Variants in LTBP1 observed in about 807,000 individuals in gnomAD.
The protein encoded by LTBP1 is latent-transforming growth factor beta-binding protein 1.
LTBP1 carries 129 observed loss-of-function variants against 207.6 expected under a neutral mutation model. That is an observed-to-expected ratio of 0.62 (90% confidence interval 0.54 to 0.72). LTBP1 has a LOEUF of 0.72. Ranked by LOEUF, LTBP1 falls within the 30% of genes least tolerant of loss-of-function variation. LTBP1 has a pLI of 0.00. For synonymous variants in LTBP1, 963 were observed against 833.7 expected (o/e 1.16, Z -2.67); for missense variants, 2,281 against 2,217.2 (o/e 1.03, Z -0.58).
At chr2:33,278,249 T>C (rs1202789951) in intron 18 of LTBP1, among the ~76,000 whole-genome samples, 2 of 152,092 alleles carry the variant, frequency 1.3e-5, no homozygotes, top group Non-Finnish European at 2.9e-5. Flanking sequence ...AATTGGAAGC[T>C]TGTAGGAGAA....
intron 2 of LTBP1, among the ~76,000 whole-genome samples, chr2:32,977,858 G>C (rs1332826635): frequency 6.6e-6 from 1 of 152,156 alleles, no homozygotes; most frequent in East Asian, 1.9e-4. Context: ...CAGCTTGTAG[G>C]ATCAGTGTTC....
intron 4 of LTBP1, among the ~76,000 whole-genome samples, chr2:33,130,772 A>G (rs2081741667): frequency 1.3e-5 from 2 of 152,150 alleles, no homozygotes; most frequent in South Asian, 4.1e-4. Flanking sequence ...TAGGAGGCCC[A>G]ATGGCGGTGC....
intron 22 of LTBP1, among the ~76,000 whole-genome samples, chr2:33,304,863 C>A (rs955128221): frequency 2.6e-5 from 4 of 152,176 alleles, no homozygotes; most frequent in African/African-American, 7.2e-5. Context: ...GTATTTCTTT[C>A]CAAATCAGAG....
At chr2:33,263,054 A>C (rs2093064172) in intron 14 of LTBP1, among the ~76,000 whole-genome samples, 2 of 152,032 alleles carry the variant, frequency 1.3e-5, no homozygotes, top group African/African-American at 4.8e-5. Flanking sequence ...AGTAGTATAC[A>C]CTATTCAGAC....
intron 24 of LTBP1, among the ~76,000 whole-genome samples, chr2:33,319,595 T>C (rs1313400809): frequency 6.6e-6 from 1 of 152,068 alleles, no homozygotes; most frequent in Non-Finnish European, 1.5e-5. Context: ...CTCTTTTCCA[T>C]GCCTCCTTCC....
intron 3 of LTBP1, among the ~76,000 whole-genome samples, chr2:33,045,312 A>G (rs1012944161): frequency 6.6e-6 from 1 of 152,200 alleles, no homozygotes; most frequent in Non-Finnish European, 1.5e-5. Flanking sequence ...GAAGGGGTCC[A>G]GTTTCCGTTT....
At chr2:33,191,777 T>G (rs937577709) in intron 7 of LTBP1, among the ~76,000 whole-genome samples, 12 of 152,214 alleles carry the variant, frequency 7.9e-5, no homozygotes, top group Non-Finnish European at 1.5e-4. Flanking sequence ...AGTGGAGCCG[T>G]CTTATTAATT....
At chr2:33,190,826 G>A (rs1279964482) in intron 7 of LTBP1, among the ~76,000 whole-genome samples, 1 of 151,974 alleles carries the variant, frequency 6.6e-6, no homozygotes, top group Non-Finnish European at 1.5e-5. Flanking sequence ...TTGGCCTGTG[G>A]ACACCTGAAA....
intron 33 of LTBP1, among the ~76,000 whole-genome samples, chr2:33,398,060 C>G (rs1428227792): frequency 6.6e-6 from 1 of 152,098 alleles, no homozygotes; most frequent in Non-Finnish European, 1.5e-5. Context: ...TTCCTCCATA[C>G]CTATGGGAAG....
intron 7 of LTBP1, among the ~76,000 whole-genome samples, chr2:33,207,947 T>G (rs2090004421): frequency 6.6e-6 from 1 of 152,158 alleles, no homozygotes; most frequent in Non-Finnish European, 1.5e-5. Context: ...AAAGACAGTT[T>G]AAGAGGAGCA....
chr2:32,991,482 A>G (rs1363754077), intron 2 of LTBP1, among the ~76,000 whole-genome samples: 1 of 152,246 alleles, frequency 6.6e-6, no homozygotes, highest in African/African-American at 2.4e-5. Context: ...TAAAAATCAC[A>G]CATAGGCTTT....
chr2:33,042,745 A>G (rs2076250833), intron 3 of LTBP1, among the ~76,000 whole-genome samples: 1 of 152,224 alleles, frequency 6.6e-6, no homozygotes, highest in African/African-American at 2.4e-5. Flanking sequence ...AAAGGTAAGA[A>G]TGCCTTGATC....
chr2:32,953,129 G>C (rs955562122), intron 2 of LTBP1, among the ~76,000 whole-genome samples: 1 of 152,060 alleles, frequency 6.6e-6, no homozygotes, highest in African/African-American at 2.4e-5. Context: ...TGCTACTTTT[G>C]GGGAAAAAAC....
chr2:33,104,166 C>T (rs2079922065), intron 3 of LTBP1, among the ~76,000 whole-genome samples: 1 of 152,098 alleles, frequency 6.6e-6, no homozygotes, highest in Non-Finnish European at 1.5e-5. Context: ...TGTCTGTGCG[C>T]CAAAAATTGC....
intron 19 of LTBP1, among the ~76,000 whole-genome samples, chr2:33,286,299 TAC>T (rs1228783207): frequency 1.3e-5 from 2 of 152,228 alleles, no homozygotes; most frequent in Non-Finnish European, 2.9e-5. Context: ...ACTGATTAGC[TAC>T]AGTCTTAACC....
chr2:33,010,908 C>T (rs1438747090), intron 2 of LTBP1, among the ~76,000 whole-genome samples: 3 of 151,798 alleles, frequency 2.0e-5, no homozygotes, highest in South Asian at 2.1e-4. Context: ...TTAGTAGAGA[C>T]GGGGTTTCAC....
chr2:33,183,892 T>C (rs1320424146), intron 5 of LTBP1, among the ~76,000 whole-genome samples: 5 of 152,152 alleles, frequency 3.3e-5, no homozygotes, highest in South Asian at 2.1e-4. Context: ...CCATCCAGCA[T>C]GGGGAGTTTT....
chr2:33,096,821 G>C (rs2079425676), intron 3 of LTBP1, among the ~76,000 whole-genome samples: 1 of 152,140 alleles, frequency 6.6e-6, no homozygotes, highest in Non-Finnish European at 1.5e-5. Context: ...TGAGGCAGGA[G>C]GATAACTTGA....
chr2:33,197,320 T>C (rs574369477), intron 7 of LTBP1, among the ~76,000 whole-genome samples: 1 of 152,346 alleles, frequency 6.6e-6, no homozygotes, highest in Non-Finnish European at 1.5e-5. Context: ...GAGTAAGTTG[T>C]GGTAGTCTAC....
Sources: gnomAD v4.1 joint callset for allele counts (sites outside exome capture counted in the v4.1 genomes callset) on GRCh38, gnomAD v4.1.1 for gene constraint, MANE v1.5 for transcripts, NCBI Gene and HGNC (gene_info 2026-07-23, HGNC 2026-07-21) for gene names.